NRXN1: variants seen among roughly 807,000 people sequenced by gnomAD.
NRXN1 encodes neurexin 1, also known as neurexin-1.
A neutral mutation model predicts 150.9 loss-of-function variants in NRXN1; 39 were observed. That is an observed-to-expected ratio of 0.26 (90% confidence interval 0.20 to 0.34). The LOEUF is 0.34. Ranked by LOEUF, NRXN1 falls within the 10% of genes least tolerant of loss-of-function variation. The pLI is 1.00. For missense variants in NRXN1, 1,815 were observed against 1,949.9 expected (o/e 0.93, Z 1.30); for synonymous variants, 924 against 757.0 (o/e 1.22, Z -3.62).
chr2:50,765,512 A>T (rs10176529), intron 5 of NRXN1, among the ~76,000 whole-genome samples: 44,457 of 151,956 alleles, frequency 0.29, 6,978 homozygotes, highest in East Asian at 0.6. Context: ...GAGGAATTCC[A>T]GCTAAACAGT....
intron 18 of NRXN1, among the ~76,000 whole-genome samples, chr2:50,169,078 T>A (rs1044064448): frequency 2.6e-5 from 4 of 152,204 alleles, no homozygotes; most frequent in Non-Finnish European, 4.4e-5. Flanking sequence ...ATTGAGCAAG[T>A]ACTCTGGGCT....
chr2:50,736,432 T>C (rs1369745546), intron 5 of NRXN1, among the ~76,000 whole-genome samples: 1 of 152,112 alleles, frequency 6.6e-6, no homozygotes, highest in Non-Finnish European at 1.5e-5. Flanking sequence ...AGTGAGTGTC[T>C]TTACGCTTCA....
intron 8 of NRXN1, 149 bp downstream of exon 8, chr2:50,619,873 C>T: frequency 4.9e-6 from 3 of 615,444 alleles, no homozygotes; most frequent in Non-Finnish European, 7.8e-6. Flanking sequence ...TTCCCTCCCC[C>T]AATCCTACAT....
rs192494377 is a variant in NRXN1, at chr2:50,290,801, G to A, written c.3365-53831C>T. On this transcript the variant is annotated intron_variant, in intron 17 of 22. Transcript: ENST00000401669. ...TGGTAAAATGTCCAGATCTCTTCTG[G>A]ACAAAACATGGGGCCAAGAAAGGAA... is the stretch of plus-strand genomic sequence containing the variant. Among the ~76,000 whole-genome samples the A allele has an allele frequency of 6.9e-3, 1,050 of 152,210 alleles. 16 individuals are homozygous for A. Among genetic ancestry groups the A allele is most frequent in the African/African-American group, 0.024 (982 of 41,534 alleles).
At chr2:50,881,875 T>C (rs1679484637) in intron 5 of NRXN1, among the ~76,000 whole-genome samples, 1 of 151,658 alleles carries the variant, frequency 6.6e-6, no homozygotes, top group African/African-American at 2.4e-5. Context: ...GTTAATGGAG[T>C]TTGCCAGCTG....
At chr2:50,359,373 C>A (rs1280883238) in intron 17 of NRXN1, among the ~76,000 whole-genome samples, 1 of 151,672 alleles carries the variant, frequency 6.6e-6, no homozygotes, top group Non-Finnish European at 1.5e-5. Flanking sequence ...AAAAGGTAGA[C>A]AAATTGCTAA....
chr2:50,040,747 G>T (rs1473409867), intron 21 of NRXN1, among the ~76,000 whole-genome samples: 1 of 152,072 alleles, frequency 6.6e-6, no homozygotes, highest in Non-Finnish European at 1.5e-5. Context: ...AGTGAATTCT[G>T]GGAGTAATCT....
chr2:50,270,953 C>A (rs754421595), intron 17 of NRXN1, among the ~76,000 whole-genome samples: 7 of 152,094 alleles, frequency 4.6e-5, no homozygotes, highest in Non-Finnish European at 8.8e-5. Flanking sequence ...GCCACTATGC[C>A]CGGCCATATA....
chr2:50,941,266 T>G (rs1247964547), intron 2 of NRXN1, among the ~76,000 whole-genome samples: 1 of 152,184 alleles, frequency 6.6e-6, no homozygotes, highest in South Asian at 2.1e-4. Flanking sequence ...TTTATAGCAG[T>G]GTGAAACAGA....
At chr2:50,515,980 T>C (rs1195801649) in intron 12 of NRXN1, among the ~76,000 whole-genome samples, 1 of 152,164 alleles carries the variant, frequency 6.6e-6, no homozygotes, top group Non-Finnish European at 1.5e-5. Context: ...TAATCTGTCC[T>C]CCAGTTAAAA....
chr2:50,371,778 A>AT (rs569911790), intron 17 of NRXN1, among the ~76,000 whole-genome samples: 1 of 144,886 alleles, frequency 6.9e-6, no homozygotes, highest in Non-Finnish European at 1.5e-5. Context: ...TTTATAAGAT[A>AT]TTTTTATATT....
intron 2 of NRXN1, among the ~76,000 whole-genome samples, chr2:51,011,147 T>TAATA (rs1248374355): frequency 6.6e-5 from 10 of 152,004 alleles, no homozygotes; most frequent in Admixed American, 6.6e-4. Flanking sequence ...CGTCTTTACT[T>TAATA]ATTATTGAGG....
At chr2:50,965,316 G>C (rs905224492) in intron 2 of NRXN1, among the ~76,000 whole-genome samples, 1 of 151,028 alleles carries the variant, frequency 6.6e-6, no homozygotes, top group Admixed American at 6.6e-5. Context: ...CTATGAATGG[G>C]GAGTATTAGC....
chr2:50,188,371 C>G (rs481505), intron 18 of NRXN1, among the ~76,000 whole-genome samples: 49,972 of 151,902 alleles, frequency 0.33, 8,644 homozygotes, highest in Non-Finnish European at 0.38. Context: ...CAAAAATTAA[C>G]TCAAGATGGA....
At chr2:50,526,978 T>A (rs1200350602) in intron 12 of NRXN1, among the ~76,000 whole-genome samples, 2 of 152,180 alleles carry the variant, frequency 1.3e-5, no homozygotes, top group Non-Finnish European at 2.9e-5. Context: ...AATTATACTA[T>A]AAACATACAT....
chr2:50,409,087 G>A (rs1180193922), intron 17 of NRXN1, among the ~76,000 whole-genome samples: 1 of 152,152 alleles, frequency 6.6e-6, no homozygotes, highest in African/African-American at 2.4e-5. Context: ...CTGCAGCCAA[G>A]AGGCAGCTCT....
At chr2:50,756,319 A>T (rs572510467) in intron 5 of NRXN1, among the ~76,000 whole-genome samples, 36 of 151,738 alleles carry the variant, frequency 2.4e-4, no homozygotes, top group Non-Finnish European at 3.5e-4. Flanking sequence ...TGATAGCAAA[A>T]CTCAGAGCAT....
chr2:50,642,518 G>C (rs968867592), intron 5 of NRXN1, among the ~76,000 whole-genome samples: 1 of 151,894 alleles, frequency 6.6e-6, no homozygotes, highest in Non-Finnish European at 1.5e-5. Context: ...AATGGCAAAT[G>C]AAGTTAATAA....
intron 5 of NRXN1, among the ~76,000 whole-genome samples, chr2:50,824,143 C>G (rs1031224922): frequency 6.6e-6 from 1 of 151,804 alleles, no homozygotes; most frequent in African/African-American, 2.4e-5. Context: ...TTTTTTCACA[C>G]ACAAAAAAGA....
Sources: gnomAD v4.1 joint callset for allele counts (sites outside exome capture counted in the v4.1 genomes callset) on GRCh38, gnomAD v4.1.1 for gene constraint, MANE v1.5 for transcripts, NCBI Gene and HGNC (gene_info 2026-07-23, HGNC 2026-07-21) for gene names.